RILPL1: variants seen among roughly 807,000 people sequenced by gnomAD.
RILPL1 encodes the protein RILP-like protein 1.
In RILPL1, 33 loss-of-function variants were observed where a neutral mutation model predicts 50.3. The observed-to-expected ratio is 0.66, with a 90% CI of 0.50 to 0.88. The LOEUF is 0.88. Ranked by LOEUF, RILPL1 falls within the 40% of genes least tolerant of loss-of-function variation. The pLI, the probability that RILPL1 is intolerant of heterozygous loss-of-function variation, is 0.00. For missense variants in RILPL1, 418 were observed against 542.5 expected, an observed-to-expected ratio of 0.77 and a Z score of 2.28; for synonymous variants, 205 against 228.6, an observed-to-expected ratio of 0.90 and a Z score of 0.93.
chr12:123,479,215 C>G lies in RILPL1; in HGVS notation c.1067+4965G>C, dbSNP rs1881799704. On this transcript the variant is annotated intron_variant, in intron 6 of 6. Transcript: ENST00000376874. ...CTTCTCTGGGCCTCAGTTCCCTCAT[C>G]TGAGAAATGGGGATAATTATCCCAG... Among the ~76,000 whole-genome samples, 4 of 152,118 alleles carry G rather than the reference C, an allele frequency of 2.6e-5. No homozygotes were observed. The South Asian group carries it at 8.3e-4, about 32-fold the overall frequency.
chr12:123,492,046 G>C (rs1882723765), intron 4 of RILPL1, among the ~76,000 whole-genome samples: 1 of 151,766 alleles, frequency 6.6e-6, no homozygotes, highest in South Asian at 2.1e-4. Context: ...AATAGAGGCA[G>C]GCAGATCATT....
intron 2 of RILPL1, among the ~76,000 whole-genome samples, chr12:123,512,603 GTA>G (rs1884404998): frequency 6.9e-6 from 1 of 144,210 alleles, no homozygotes; most frequent in Non-Finnish European, 1.5e-5. Flanking sequence ...TGTGAGATCT[GTA>G]TGTGTGAGGT....
chr12:123,511,538 GGTCT>G (rs1566135854), intron 2 of RILPL1, among the ~76,000 whole-genome samples: 1 of 124,464 alleles, frequency 8.0e-6, no homozygotes, highest in Non-Finnish European at 1.7e-5. Context: ...GTGTGTGTGA[GGTCT>G]GTGTGAGGTC....
chr12:123,518,415 G>A (rs28791561), intron 2 of RILPL1: 1 of 367,826 alleles, frequency 2.7e-6, no homozygotes, highest in South Asian at 1.9e-5. Context: ...ACTGAGGTGG[G>A]AGAATCTTTT....
At chr12:123,532,504 G>A (rs899807418) in intron 1 of RILPL1, among the ~76,000 whole-genome samples, 3 of 152,036 alleles carry the variant, frequency 2.0e-5, no homozygotes, top group Non-Finnish European at 4.4e-5. Context: ...TGTGACCCTC[G>A]GTTTCTTTAT....
chr12:123,499,640 G>A, intron 2 of RILPL1, 104 bp from the exon 3 acceptor site: 1 of 829,572 alleles, frequency 1.2e-6, no homozygotes, highest in Non-Finnish European at 2.0e-6. Flanking sequence ...TGGCCCCCCG[G>A]CCTCCTCCCC....
rs1199573460 is a variant in RILPL1 at position 123,522,230 on chromosome 12, G to C, written c.460+1265C>G. On this transcript the variant is annotated intron_variant, in intron 2 of 6. Coordinates refer to ENST00000376874, the MANE Select transcript of RILPL1 (RefSeq NM_178314.5). The surrounding 1 kb of genome is among the most constrained non-coding windows in gnomAD (Gnocchi z 4.0). Reference sequence around the variant, plus strand: ...TGACTCTGAGCTTTCCTTGGGGTGAGCTGCAGGAGGCACCCCTGCTTTAGC... The same window carrying C: ...TGACTCTGAGCTTTCCTTGGGGTGACCTGCAGGAGGCACCCCTGCTTTAGC... Among the ~76,000 whole-genome samples, 1 of 152,244 alleles carries C rather than the reference G, an allele frequency of 6.6e-6. No homozygotes were observed. Among genetic ancestry groups the C allele is most frequent in the African/African-American group, 2.4e-5 (1 of 41,470 alleles).
chr12:123,517,803 C>A (rs1333205420), intron 2 of RILPL1, among the ~76,000 whole-genome samples: 1 of 152,124 alleles, frequency 6.6e-6, no homozygotes, highest in Non-Finnish European at 1.5e-5. Flanking sequence ...TCCAAATGGA[C>A]ATATGCTGCA....
chr12:123,492,876 T>C (rs1882786588), intron 4 of RILPL1, among the ~76,000 whole-genome samples: 1 of 152,188 alleles, frequency 6.6e-6, no homozygotes, highest in African/African-American at 2.4e-5. Context: ...GAAGGCAGCA[T>C]GCTCCCAGAG....
chr12:123,488,277 A>T (rs1882468845), intron 4 of RILPL1, among the ~76,000 whole-genome samples: 4 of 151,660 alleles, frequency 2.6e-5, no homozygotes, highest in Admixed American at 2.0e-4. Flanking sequence ...CATGTCTACA[A>T]AAAAGAAAAG....
chr12:123,532,716 G>GGGGGGGGA (rs1232279863), intron 1 of RILPL1, among the ~76,000 whole-genome samples: 1 of 112,536 alleles, frequency 8.9e-6, no homozygotes, highest in Non-Finnish European at 1.9e-5. Flanking sequence ...GGGGGGGGGG[G>GGGGGGGGA]ATGAAGAAAG....
At chr12:123,521,598 A>AAT (rs1555269601) in intron 2 of RILPL1, among the ~76,000 whole-genome samples, 1 of 5,712 alleles carries the variant, frequency 1.8e-4, no homozygotes, top group Non-Finnish European at 5.4e-4. Flanking sequence ...TATATATATT[A>AAT]ATATATATAC....
rs367662049 is a variant in RILPL1, at chr12:123,507,144, G to C, written c.461-7608C>G. Reference sequence around the variant, plus strand: ...TATGGAAATTCGTTTGGCCTTACCTGCTAAAGCTCACACACGCACTCTAGC... The same window carrying C: ...TATGGAAATTCGTTTGGCCTTACCTCCTAAAGCTCACACACGCACTCTAGC... On this transcript the variant is annotated intron_variant, in intron 2 of 6. Coordinates refer to ENST00000376874, the MANE Select transcript of RILPL1 (RefSeq NM_178314.5). Among the ~76,000 whole-genome samples, 5 of 152,308 alleles carry C rather than the reference G, an allele frequency of 3.3e-5. No homozygotes were observed. The South Asian group carries it at 1.0e-3, about 32-fold the overall frequency.
At chr12:123,482,073 C>T (rs1309471702) in intron 6 of RILPL1, among the ~76,000 whole-genome samples, 1 of 151,780 alleles carries the variant, frequency 6.6e-6, no homozygotes, top group Non-Finnish European at 1.5e-5. Context: ...GAGGTTTCAC[C>T]ATGTTGGCCA....
Position 123,498,223 on chromosome 12 carries a change from CTCTT to C in RILPL1, c.801+317_801+320del, listed in dbSNP as rs1328989399. On this transcript the variant is annotated intron_variant, in intron 4 of 6. Coordinates refer to ENST00000376874, the MANE Select transcript of RILPL1 (RefSeq NM_178314.5). The surrounding 1 kb of genome is among the most constrained non-coding windows in gnomAD (Gnocchi z 4.3). Reference sequence around the variant, plus strand: ...TCTCGTTTTTTCTCTCTCTCTCTCTCTCTTTTTTTTTTAGACAGGTCTGGCTCTG... The same window carrying C: ...TCTCGTTTTTTCTCTCTCTCTCTCTCTTTTTTTTAGACAGGTCTGGCTCTG... Among the ~76,000 whole-genome samples the C allele has an allele frequency of 6.6e-6, 1 of 151,760 alleles. No homozygotes were observed. The highest frequency in any genetic ancestry group is 2.4e-5 in the African/African-American group (1 of 41,328).
intron 1 of RILPL1, among the ~76,000 whole-genome samples, chr12:123,526,443 T>C (rs1410825831): frequency 6.6e-6 from 1 of 152,222 alleles, no homozygotes; most frequent in Non-Finnish European, 1.5e-5. Context: ...TATTCAGCCT[T>C]CTGGTGCCCC....
intron 2 of RILPL1, among the ~76,000 whole-genome samples, chr12:123,503,323 C>T (rs966904595): frequency 6.6e-6 from 1 of 150,762 alleles, no homozygotes; most frequent in Admixed American, 6.6e-5. Context: ...GCCTCAGCCT[C>T]CCAAGTATCT....
chr12:123,520,052 A>AT (rs1274932810), intron 2 of RILPL1, among the ~76,000 whole-genome samples: 1 of 152,216 alleles, frequency 6.6e-6, no homozygotes, highest in African/African-American at 2.4e-5. Context: ...GAAGTTTAAC[A>AT]TAGTTTCCCT....
intron 2 of RILPL1, among the ~76,000 whole-genome samples, chr12:123,503,345 CACCTGCCACA>C: frequency 6.6e-6 from 1 of 151,700 alleles, no homozygotes; most frequent in African/African-American, 2.4e-5. Flanking sequence ...GGATTACAGG[CACCTGCCACA>C]ACCTGGCTAA....
Sources: gnomAD v4.1 joint callset for allele counts (sites outside exome capture counted in the v4.1 genomes callset) on GRCh38, gnomAD v4.1.1 for gene constraint, Gnocchi (gnomAD v3.1) non-coding constraint, MANE v1.5 for transcripts, NCBI Gene and HGNC (gene_info 2026-07-23, HGNC 2026-07-21) for gene names.